Variants in CNTNAP2 observed in about 807,000 individuals in gnomAD.
The protein encoded by CNTNAP2 is contactin-associated protein-like 2.
CNTNAP2 carries 98 observed loss-of-function variants against 155.2 expected under a neutral mutation model. The observed-to-expected ratio is 0.63, with a 90% CI of 0.54 to 0.75. The LOEUF is 0.75. CNTNAP2 is among the 30% of genes least tolerant of loss of function. CNTNAP2 has a pLI of 0.00. For missense variants in CNTNAP2, 1,727 were observed against 1,688.1 expected (o/e 1.02, Z -0.40); for synonymous variants, 651 against 631.2 (o/e 1.03, Z -0.47).
At chr7:147,594,125 C>CT (rs397827040) in intron 12 of CNTNAP2, among the ~76,000 whole-genome samples, 63,444 of 119,968 alleles carry the variant, frequency 0.53, 18,900 homozygotes, top group African/African-American at 0.73. Flanking sequence ...TCTGGTGTCT[C>CT]TTTTTTTTTT....
intron 1 of CNTNAP2, among the ~76,000 whole-genome samples, chr7:146,646,048 T>G (rs1426810434): frequency 6.6e-6 from 1 of 152,184 alleles, no homozygotes; most frequent in East Asian, 1.9e-4. Flanking sequence ...AGTGAAAAGG[T>G]TTCCAACATT....
chr7:146,771,196 T>A (rs1802287961), intron 1 of CNTNAP2, among the ~76,000 whole-genome samples: 2 of 152,168 alleles, frequency 1.3e-5, no homozygotes, highest in Admixed American at 6.5e-5. Flanking sequence ...TAAATTTACA[T>A]TTTTTCGTTG....
At chr7:147,605,432 G>C (rs907738295) in intron 12 of CNTNAP2, among the ~76,000 whole-genome samples, 1 of 152,158 alleles carries the variant, frequency 6.6e-6, no homozygotes, top group Non-Finnish European at 1.5e-5. Flanking sequence ...GCTTCTAAGG[G>C]TGGTGGTGAC....
At chr7:146,350,824 A>C (rs1182939582) in intron 1 of CNTNAP2, among the ~76,000 whole-genome samples, 2 of 152,104 alleles carry the variant, frequency 1.3e-5, no homozygotes, top group Non-Finnish European at 2.9e-5. Context: ...TGTGACACAT[A>C]TACACCATAG....
At chr7:147,714,030 G>A (rs900327799) in intron 13 of CNTNAP2, among the ~76,000 whole-genome samples, 3 of 152,048 alleles carry the variant, frequency 2.0e-5, no homozygotes, top group African/African-American at 7.2e-5. Flanking sequence ...ATTACTAGCT[G>A]TTACCATTTA....
Position 147,526,957 on chromosome 7 carries a change from A to T in CNTNAP2, c.1778-35181A>T, listed in dbSNP as rs1799333159. ...CCATTAACTATTAGAACAGGTTAAC[A>T]TTAACCAATAGAACAGGTATACCTT... On this transcript the variant is annotated intron_variant, in intron 11 of 23. Transcript: ENST00000361727. Among the ~76,000 whole-genome samples, 3 of 151,368 alleles carry T rather than the reference A, an allele frequency of 2.0e-5. No individual in the cohort carries two copies. In the South Asian group the frequency reaches 6.3e-4, roughly 32 times the overall value.
At chr7:147,366,671 A>T (rs980285480) in intron 9 of CNTNAP2, among the ~76,000 whole-genome samples, 8 of 152,030 alleles carry the variant, frequency 5.3e-5, no homozygotes, top group Non-Finnish European at 1.0e-4. Context: ...AAGTTTTGTT[A>T]TGCAGTACTT....
At chr7:146,753,380 A>G (rs1801939244) in intron 1 of CNTNAP2, among the ~76,000 whole-genome samples, 2 of 151,844 alleles carry the variant, frequency 1.3e-5, no homozygotes, top group Non-Finnish European at 2.9e-5. Context: ...TAAAAAAAAA[A>G]TGTAAGAATG....
At chr7:146,378,921 T>G (rs1795342928) in intron 1 of CNTNAP2, among the ~76,000 whole-genome samples, 1 of 152,200 alleles carries the variant, frequency 6.6e-6, no homozygotes, top group South Asian at 2.1e-4. Context: ...GAGACAGAGA[T>G]AAAAATACAA....
intron 3 of CNTNAP2, among the ~76,000 whole-genome samples, chr7:146,891,699 A>C (rs1321401489): frequency 6.6e-6 from 1 of 152,174 alleles, no homozygotes; most frequent in Non-Finnish European, 1.5e-5. Flanking sequence ...AAAAATGGGC[A>C]AATGTCTCAA....
At chr7:146,685,239 A>C (rs551623625) in intron 1 of CNTNAP2, among the ~76,000 whole-genome samples, 1 of 152,332 alleles carries the variant, frequency 6.6e-6, no homozygotes, top group Non-Finnish European at 1.5e-5. Context: ...CCGATTTCAA[A>C]GGATAGCATG....
chr7:146,590,396 G>A (rs1030080768), intron 1 of CNTNAP2, among the ~76,000 whole-genome samples: 1 of 152,228 alleles, frequency 6.6e-6, no homozygotes, highest in Admixed American at 6.5e-5. Context: ...TAGACTGCAA[G>A]TTTTTAATGA....
At chr7:146,728,421 G>T (rs1307752393) in intron 1 of CNTNAP2, among the ~76,000 whole-genome samples, 1 of 152,036 alleles carries the variant, frequency 6.6e-6, no homozygotes, top group Non-Finnish European at 1.5e-5. Flanking sequence ...AGCCAGTTTT[G>T]TCATTGGCAC....
intron 1 of CNTNAP2, among the ~76,000 whole-genome samples, chr7:146,234,184 T>C (rs1159959717): frequency 6.6e-6 from 1 of 151,700 alleles, no homozygotes; most frequent in Admixed American, 6.6e-5. Context: ...GGTATCTCAT[T>C]GTGGTTTTGA....
At position 148,381,873 on chromosome 7, in the gene CNTNAP2, C is replaced by G. The variant is rs1799066631; in HGVS notation, c.3476-1776C>G. Among the ~76,000 whole-genome samples the G allele has an allele frequency of 2.6e-4, 4 of 15,324 alleles. No homozygotes were observed. In the South Asian group the frequency reaches 5.0e-3, roughly 19 times the overall value. The allele number at this position is 15,324 out of a possible 152,430, so 10.1% of individuals were successfully genotyped here. ...AGCATCTACTTACTGCACATTGGCC[C>G]CCCCCCAGGGGAATTGGTCCCAGCC... On this transcript the variant is annotated intron_variant, in intron 21 of 23. Transcript: ENST00000361727.
chr7:147,632,454 TA>T (rs1352273041), intron 12 of CNTNAP2, among the ~76,000 whole-genome samples: 3 of 152,136 alleles, frequency 2.0e-5, no homozygotes, highest in Admixed American at 2.0e-4. Flanking sequence ...CTGATGGTTT[TA>T]TAAGGGGCTT....
intron 10 of CNTNAP2, among the ~76,000 whole-genome samples, chr7:147,414,856 G>A (rs1005488379): frequency 2.0e-5 from 3 of 149,670 alleles, no homozygotes; most frequent in Admixed American, 6.7e-5. Context: ...CAGGAGAATG[G>A]CGTGAACCTT....
At chr7:148,273,348 A>G (rs574360495) in intron 21 of CNTNAP2, among the ~76,000 whole-genome samples, 2 of 152,344 alleles carry the variant, frequency 1.3e-5, no homozygotes, top group East Asian at 3.9e-4. Context: ...GTTCCTTGAT[A>G]TAAAACACTG....
intron 15 of CNTNAP2, among the ~76,000 whole-genome samples, chr7:148,058,416 G>A (rs1233008395): frequency 1.3e-5 from 2 of 152,114 alleles, no homozygotes; most frequent in Non-Finnish European, 2.9e-5. Context: ...TTCTCGTTTT[G>A]CCTGGGAATG....
Sources: gnomAD v4.1 joint callset for allele counts (sites outside exome capture counted in the v4.1 genomes callset) on GRCh38, gnomAD v4.1.1 for gene constraint, MANE v1.5 for transcripts, NCBI Gene and HGNC (gene_info 2026-07-23, HGNC 2026-07-21) for gene names.